SHTN1: variants seen among roughly 807,000 people sequenced by gnomAD.
SHTN1 encodes the protein shootin-1.
Under a neutral mutation model 83.1 loss-of-function variants are expected in SHTN1, and 42 were observed. That is an observed-to-expected ratio of 0.51 (90% CI 0.39 to 0.65). The LOEUF is 0.65. Among genes scored for constraint, SHTN1 ranks in the 30% least tolerant of loss-of-function variants. The probability of loss-of-function intolerance (pLI) is 0.00; values close to 1 mark genes in which losing one functional copy is unlikely to be tolerated. For missense variants in SHTN1, 622 were observed against 737.8 expected (o/e 0.84, Z 1.82); for synonymous variants, 224 against 247.7 (o/e 0.90, Z 0.90).
In SHTN1 at chr10:116,939,460, C is replaced by T. The variant is rs1849286857; in HGVS notation, c.858+1006G>A. Among the ~76,000 whole-genome samples the T allele has an allele frequency of 3.3e-5, 5 of 152,290 alleles. No individual in the cohort carries two copies. In the South Asian group the frequency reaches 1.0e-3, roughly 32 times the overall value. On this transcript the variant is annotated intron_variant, in intron 9 of 16. Coordinates refer to ENST00000355371, the MANE Select transcript of SHTN1 (RefSeq NM_001127211.3). The stretch of plus-strand genomic sequence containing the variant: ...CTGCACTTCCCGGGTGAGGCAACAC[C>T]CCACCTTGCTTCAGCTCACCCTTCA...
intron 1 of SHTN1, among the ~76,000 whole-genome samples, chr10:116,990,428 C>T (rs529480828): frequency 5.3e-5 from 8 of 151,872 alleles, no homozygotes; most frequent in South Asian, 2.1e-4. Context: ...CCAGGGGGCA[C>T]GAATTGTCAG....
chr10:116,994,372 G>A (rs994906322), intron 1 of SHTN1, among the ~76,000 whole-genome samples: 4 of 152,088 alleles, frequency 2.6e-5, no homozygotes, highest in African/African-American at 4.8e-5. Flanking sequence ...TTTATTACGA[G>A]ATTTAAAATG....
chr10:116,913,186 T>C (rs1848268181), intron 13 of SHTN1, among the ~76,000 whole-genome samples: 1 of 152,260 alleles, frequency 6.6e-6, no homozygotes, highest in African/African-American at 2.4e-5. Context: ...ACAAATGCCC[T>C]GCCTTTAGGC....
upstream of SHTN1, chr10:117,005,233 G>C: frequency 6.7e-7 from 1 of 1,493,636 alleles, no homozygotes; most frequent in Non-Finnish European, 8.9e-7. Context: ...CGCGGAGCGC[G>C]CGAGTGAGAT....
intron 1 of SHTN1, among the ~76,000 whole-genome samples, chr10:117,098,703 C>G (rs1853542752): frequency 6.6e-6 from 1 of 152,086 alleles, no homozygotes; most frequent in Non-Finnish European, 1.5e-5. Flanking sequence ...AATTATTTGC[C>G]ACTTAGCAAA....
intron 12 of SHTN1, among the ~76,000 whole-genome samples, chr10:116,917,916 G>A (rs1011957074): frequency 6.6e-6 from 1 of 152,178 alleles, no homozygotes; most frequent in South Asian, 2.1e-4. Context: ...CGCAATACAA[G>A]AGCAACGCTA....
chr10:116,946,535 TTATA>T (rs1305707602), intron 7 of SHTN1, among the ~76,000 whole-genome samples: 2 of 133,918 alleles, frequency 1.5e-5, no homozygotes, highest in African/African-American at 5.5e-5. Context: ...ATAAAATGAT[TTATA>T]TATAAATATA....
intron 1 of SHTN1, among the ~76,000 whole-genome samples, chr10:116,996,576 G>T (rs577795058): frequency 1.3e-5 from 2 of 152,094 alleles, no homozygotes; most frequent in African/African-American, 4.8e-5. Context: ...CCTCTCAACT[G>T]GCTGCTCTCC....
At chr10:117,126,421 C>T in exon 1 of SHTN1, 2 of 215,404 alleles carry the variant, frequency 9.3e-6, no homozygotes, top group Non-Finnish European at 9.6e-6. Flanking sequence ...AGAGCGCCAG[C>T]CCTGCCTCCT....
At chr10:116,893,881 T>A (rs1354333535) in intron 16 of SHTN1, among the ~76,000 whole-genome samples, 1 of 152,216 alleles carries the variant, frequency 6.6e-6, no homozygotes, top group Non-Finnish European at 1.5e-5. Flanking sequence ...AAGCTCATAA[T>A]CTTTCATAGG....
At chr10:117,106,623 T>C (rs757071025) in intron 1 of SHTN1, among the ~76,000 whole-genome samples, 1 of 152,112 alleles carries the variant, frequency 6.6e-6, no homozygotes, top group African/African-American at 2.4e-5. Context: ...GTAGAAATAG[T>C]AGCAGCTCCT....
At chr10:116,934,279 G>T (rs551973312) in intron 9 of SHTN1, among the ~76,000 whole-genome samples, 155 of 152,212 alleles carry the variant, frequency 1.0e-3, no homozygotes, top group Middle Eastern at 3.4e-3. Context: ...TTTTCTCCTA[G>T]GGTTTTTATG....
intron 16 of SHTN1, among the ~76,000 whole-genome samples, chr10:116,888,561 A>C (rs1429946986): frequency 2.0e-5 from 3 of 152,156 alleles, no homozygotes; most frequent in Non-Finnish European, 4.4e-5. Context: ...TCTCTCTCTC[A>C]CAAGCACCAA....
chr10:117,061,572 C>T lies in SHTN1; in HGVS notation c.-188-13062G>A, dbSNP rs530511560. Among the ~76,000 whole-genome samples, 10 of 152,058 alleles carry T rather than the reference C, an allele frequency of 6.6e-5. 1 individual carries two copies. The South Asian group carries it at 1.7e-3, about 25-fold the overall frequency. On this transcript the variant is annotated intron_variant, in intron 1 of 17. Coordinates refer to the SHTN1 transcript ENST00000392901. ...GCAACCTCCACCTCCTGGGTTCAAG[C>T]GATTCTCCTGCCTCAGTCTCCTGAG...
chr10:116,987,345 T>C (rs908222336), intron 1 of SHTN1, among the ~76,000 whole-genome samples: 1 of 152,186 alleles, frequency 6.6e-6, no homozygotes, highest in Admixed American at 6.5e-5. Flanking sequence ...CTAATGTTTA[T>C]ACAACTTGAT....
chr10:116,899,650 C>T (rs931983233), intron 16 of SHTN1, among the ~76,000 whole-genome samples: 2 of 152,066 alleles, frequency 1.3e-5, no homozygotes, highest in African/African-American at 2.4e-5. Context: ...GAGCCAATAG[C>T]GCCACTCACG....
At position 116,901,832 on chromosome 10, in the gene SHTN1, G is replaced by A; in HGVS notation, c.1606C>T (p.Pro536Ser). 5 of 1,604,456 alleles carry A rather than the reference G, an allele frequency of 3.1e-6. No individual in the cohort carries two copies. Among genetic ancestry groups the A allele is most frequent in the Non-Finnish European group, 4.2e-6 (5 of 1,177,364 alleles). The change falls in exon 16 of 17, where the codon CCA becomes TCA. Residue 536 changes from proline (P) to serine (S), a missense_variant. Pro to Ser is a moderately conservative substitution (Grantham distance 74). Coordinates refer to ENST00000355371, the MANE Select transcript of SHTN1 (RefSeq NM_001127211.3). The stretch of plus-strand genomic sequence containing the variant: ...GGCCCTTCACCTGGCTCAGGTGTTG[G>A]GGGGGACGGGCTGTTGAATTCTGCC... ...LEAEFNSPSP[P>S]TPEPGEGPRK...
chr10:116,942,095 G>A (rs1017868838), intron 8 of SHTN1, among the ~76,000 whole-genome samples: 3 of 152,208 alleles, frequency 2.0e-5, no homozygotes, highest in Non-Finnish European at 4.4e-5. Context: ...CTGGAGAAGG[G>A]TGAGATGCAG....
At chr10:117,050,303 T>A (rs1430222550) in intron 1 of SHTN1, among the ~76,000 whole-genome samples, 1 of 152,150 alleles carries the variant, frequency 6.6e-6, no homozygotes, top group Non-Finnish European at 1.5e-5. Context: ...GTATCAGGAA[T>A]AATACAGAAG....
Sources: allele counts gnomAD v4.1 joint callset (sites outside exome capture counted in the v4.1 genomes callset), GRCh38; gene constraint gnomAD v4.1.1; transcripts MANE v1.5; gene names NCBI Gene and HGNC (gene_info 2026-07-23, HGNC 2026-07-21).